NELL1: variants seen among roughly 807,000 people sequenced by gnomAD.
The protein encoded by NELL1 is protein kinase C-binding protein NELL1.
Under a neutral mutation model 107.4 loss-of-function variants are expected in NELL1, and 76 were observed. The observed-to-expected ratio is 0.71, with a 90% CI of 0.59 to 0.86. The LOEUF (loss-of-function observed/expected upper bound fraction) is 0.86, where lower values mean the gene tolerates loss of function less well. NELL1 is among the 40% of genes least tolerant of loss of function. The pLI is 0.00. For missense variants in NELL1, 1,024 were observed against 1,005.5 expected (o/e 1.02, Z -0.25); for synonymous variants, 353 against 341.2 (o/e 1.03, Z -0.38).
At chr11:20,801,582 T>G (rs1242331230) in intron 3 of NELL1, among the ~76,000 whole-genome samples, 1 of 152,234 alleles carries the variant, frequency 6.6e-6, no homozygotes, top group African/African-American at 2.4e-5. Context: ...TTTAACTTTA[T>G]GTAATCCCAT....
chr11:20,989,063 G>A (rs889938815), intron 12 of NELL1, among the ~76,000 whole-genome samples: 3 of 152,136 alleles, frequency 2.0e-5, no homozygotes, highest in Admixed American at 1.3e-4. Context: ...GGTGGTATTG[G>A]TGAAAGACAG....
chr11:20,707,844 G>A (rs1290281159), intron 2 of NELL1, among the ~76,000 whole-genome samples: 2 of 152,210 alleles, frequency 1.3e-5, no homozygotes, highest in South Asian at 2.1e-4. Context: ...CAAACTCCAT[G>A]CTGGGAGAAC....
intron 16 of NELL1, among the ~76,000 whole-genome samples, chr11:21,545,508 A>G (rs1241517829): frequency 6.6e-6 from 1 of 151,958 alleles, no homozygotes. Flanking sequence ...ACGTTCCCCT[A>G]AAAAGGTGCT....
intron 3 of NELL1, among the ~76,000 whole-genome samples, chr11:20,816,080 G>T (rs1315741323): frequency 1.3e-5 from 2 of 152,116 alleles, no homozygotes; most frequent in African/African-American, 4.8e-5. Context: ...TTTGAAATCA[G>T]GTAATGTGAT....
intron 14 of NELL1, among the ~76,000 whole-genome samples, chr11:21,235,190 T>G (rs1036381668): frequency 6.6e-6 from 1 of 152,132 alleles, no homozygotes; most frequent in Non-Finnish European, 1.5e-5. Context: ...GAAAGAATGA[T>G]GAGGGGCAAG....
chr11:20,991,991 C>CTTA (rs1851986006), intron 12 of NELL1, among the ~76,000 whole-genome samples: 1 of 110,046 alleles, frequency 9.1e-6, no homozygotes, highest in Non-Finnish European at 1.9e-5. Flanking sequence ...GTGTAGCATG[C>CTTA]AAAAAAAAAA....
At chr11:20,886,912 TGG>T (rs1849521149) in intron 5 of NELL1, among the ~76,000 whole-genome samples, 2 of 150,402 alleles carry the variant, frequency 1.3e-5, no homozygotes, top group African/African-American at 4.9e-5. Flanking sequence ...TCACAAGTTT[TGG>T]AAAATCTACA....
At chr11:20,868,338 C>T (rs1194244216) in intron 4 of NELL1, among the ~76,000 whole-genome samples, 1 of 152,038 alleles carries the variant, frequency 6.6e-6, no homozygotes, top group African/African-American at 2.4e-5. Context: ...AGAATAGGAG[C>T]ATTCATAGAG....
In NELL1 at chr11:20,957,486, A is replaced by C. The variant is rs538172301; in HGVS notation, c.1172-2946A>C. 4.6e-5 allele frequency among the ~76,000 whole-genome samples: 7 copies of C among 152,348 alleles called. No homozygotes were observed. In the South Asian group the frequency reaches 1.5e-3, roughly 32 times the overall value. ...AATCTCACACATTAAATTCCAAAAA[A>C]TACGAGCTTACAGATAAAAGAATAA... On this transcript the variant is annotated intron_variant, in intron 11 of 19. Coordinates refer to ENST00000357134, the MANE Select transcript of NELL1 (RefSeq NM_006157.5).
chr11:21,403,867 T>G (rs1250945684), intron 15 of NELL1, among the ~76,000 whole-genome samples: 1 of 150,396 alleles, frequency 6.6e-6, no homozygotes, highest in East Asian at 1.9e-4. Context: ...AGCACACTAT[T>G]TAGCTATCTC....
intron 2 of NELL1, among the ~76,000 whole-genome samples, chr11:20,681,818 C>G (rs1590201108): frequency 1.3e-5 from 2 of 152,022 alleles, no homozygotes; most frequent in South Asian, 4.1e-4. Flanking sequence ...CCTGTTGGAG[C>G]TTCCAGAAAT....
At chr11:20,939,335 C>G (rs540536687) in intron 10 of NELL1, among the ~76,000 whole-genome samples, 1 of 151,650 alleles carries the variant, frequency 6.6e-6, no homozygotes, top group Admixed American at 6.6e-5. Flanking sequence ...TATTGGGGGA[C>G]TCACAGAATC....
intron 15 of NELL1, among the ~76,000 whole-genome samples, chr11:21,506,197 A>G (rs1353294738): frequency 6.6e-6 from 1 of 152,202 alleles, no homozygotes; most frequent in African/African-American, 2.4e-5. Context: ...CAATTTGACT[A>G]CCATTTTCTG....
chr11:21,097,759 G>C (rs1049027801), intron 12 of NELL1, among the ~76,000 whole-genome samples: 2 of 152,102 alleles, frequency 1.3e-5, no homozygotes, highest in Non-Finnish European at 2.9e-5. Context: ...AACTCAGAAA[G>C]ATTTATTTTG....
chr11:21,262,366 G>T (rs1475527746), intron 14 of NELL1, among the ~76,000 whole-genome samples: 1 of 151,712 alleles, frequency 6.6e-6, no homozygotes, highest in Non-Finnish European at 1.5e-5. Context: ...TTAGTTGACC[G>T]CTCTGGCTTG....
At chr11:21,337,740 C>CTT (rs1565175183) in intron 14 of NELL1, among the ~76,000 whole-genome samples, 1 of 61,426 alleles carries the variant, frequency 1.6e-5, no homozygotes, top group Non-Finnish European at 3.2e-5. Flanking sequence ...TCTTTCCTTT[C>CTT]TTTCTTTCTT....
chr11:21,182,440 G>GAAA (rs201319322), intron 13 of NELL1, among the ~76,000 whole-genome samples: 2 of 111,734 alleles, frequency 1.8e-5, no homozygotes, highest in Admixed American at 1.7e-4. Context: ...GTCTCAAAAA[G>GAAA]AAAAAAAAAA....
chr11:21,138,626 A>C (rs1855796749), intron 13 of NELL1, among the ~76,000 whole-genome samples: 1 of 152,240 alleles, frequency 6.6e-6, no homozygotes, highest in Non-Finnish European at 1.5e-5. Context: ...GATGTCAATA[A>C]ACAAAGTATG....
intron 4 of NELL1, among the ~76,000 whole-genome samples, chr11:20,848,318 G>C (rs964295682): frequency 4.6e-5 from 7 of 152,302 alleles, no homozygotes; most frequent in Admixed American, 4.6e-4. Context: ...TCAGGGGATG[G>C]TGGGACCAGG....
Sources: gnomAD v4.1 joint callset for allele counts (sites outside exome capture counted in the v4.1 genomes callset) on GRCh38, gnomAD v4.1.1 for gene constraint, MANE v1.5 for transcripts, NCBI Gene and HGNC (gene_info 2026-07-23, HGNC 2026-07-21) for gene names.